ACOXL: variants seen among roughly 807,000 people sequenced by gnomAD.
ACOXL encodes acyl-coenzyme A oxidase-like protein.
ACOXL carries 70 observed loss-of-function variants against 71.9 expected under a neutral mutation model. The ratio of observed to expected loss-of-function variants is 0.97; its 90% CI spans 0.80 to 1.19. ACOXL has a LOEUF of 1.19. Among genes scored for constraint, ACOXL ranks in the 50% most tolerant of loss-of-function variants. The pLI is 0.00. For synonymous variants in ACOXL, 253 were observed against 281.6 expected, an observed-to-expected ratio of 0.90 and a Z score of 1.02; for missense variants, 703 against 736.3, an observed-to-expected ratio of 0.95 and a Z score of 0.52.
chr2:110,905,704 G>A lies in ACOXL; in HGVS notation c.789-3085G>A, dbSNP rs143503060. On this transcript the variant is annotated intron_variant, in intron 10 of 17. Coordinates refer to ENST00000439055, the MANE Select transcript of ACOXL (RefSeq NM_001142807.4). ...GCTCTGGCGTCCTCAGGGGATAGCC[G>A]TTTCCTGCCTGGAGGGTTGGGCTTC... Among the ~76,000 whole-genome samples the A allele has an allele frequency of 3.6e-3, 553 of 152,280 alleles. 10 individuals are homozygous for A. Among genetic ancestry groups the A allele is most frequent in the African/African-American group, 0.013 (524 of 41,564 alleles).
At chr2:111,054,199 A>C (rs1574618354) in intron 16 of ACOXL, among the ~76,000 whole-genome samples, 1 of 152,242 alleles carries the variant, frequency 6.6e-6, no homozygotes, top group Admixed American at 6.5e-5. Context: ...CAGTAGAAAA[A>C]CCAAGCTGCC....
chr2:111,019,632 C>T (rs11687650), intron 14 of ACOXL, among the ~76,000 whole-genome samples: 45,540 of 152,058 alleles, frequency 0.3, 7,226 homozygotes, highest in Non-Finnish European at 0.34. Context: ...TCCTGGAACT[C>T]GTGTGTGTGA....
intron 12 of ACOXL, among the ~76,000 whole-genome samples, chr2:110,945,638 AGATCAGGTGATCAGAGGTG>A (rs754899397): frequency 1.3e-5 from 2 of 152,162 alleles, no homozygotes; most frequent in Non-Finnish European, 2.9e-5. Context: ...TCTTTGTCGA[AGATCAGGTGATCAGAGGTG>A]TGTGGCCTTC....
chr2:111,059,344 T>C (rs935490971), intron 16 of ACOXL, among the ~76,000 whole-genome samples: 6 of 152,252 alleles, frequency 3.9e-5, no homozygotes, highest in Non-Finnish European at 8.8e-5. Flanking sequence ...TAACAGCCTA[T>C]TGATAATTGA....
chr2:111,070,278 G>C (rs2067279010), intron 16 of ACOXL, among the ~76,000 whole-genome samples: 1 of 152,152 alleles, frequency 6.6e-6, no homozygotes, highest in Non-Finnish European at 1.5e-5. Flanking sequence ...TGGTAGACTG[G>C]ATAAAGAAAA....
chr2:110,899,629 A>G (rs994283198), intron 10 of ACOXL, among the ~76,000 whole-genome samples: 14 of 152,206 alleles, frequency 9.2e-5, no homozygotes, highest in Non-Finnish European at 1.8e-4. Flanking sequence ...AAAATATGAA[A>G]TTAATACAAC....
intron 10 of ACOXL, among the ~76,000 whole-genome samples, chr2:110,845,131 C>T (rs1559336338): frequency 6.6e-6 from 1 of 152,192 alleles, no homozygotes; most frequent in Non-Finnish European, 1.5e-5. Flanking sequence ...TTTATTTTCT[C>T]ACAGTCCTGG....
At chr2:110,988,173 C>T (rs2149555592) in intron 13 of ACOXL, among the ~76,000 whole-genome samples, 2 of 152,352 alleles carry the variant, frequency 1.3e-5, no homozygotes, top group East Asian at 3.9e-4. Flanking sequence ...CATGGTGGCT[C>T]ATGCCTGTGA....
rs543107663 is a variant in ACOXL at position 111,111,327 on chromosome 2, TGA to T, written c.1543-6287_1543-6286del. ...GTTGCCCAGACTTGTCTGGAACTCC[TGA>T]GCTCAAGCAATCCACCCACCTCGGC... is the stretch of plus-strand genomic sequence containing the variant. On this transcript the variant is annotated intron_variant, in intron 17 of 17. Transcript: ENST00000439055. Among the ~76,000 whole-genome samples, 6 of 152,286 alleles carry T rather than the reference TGA, an allele frequency of 3.9e-5. No homozygotes were observed. The South Asian group carries it at 1.2e-3, about 32-fold the overall frequency.
In ACOXL at chr2:111,092,940, A is replaced by G. The variant is rs752437501; in HGVS notation, c.1516A>G (p.Met506Val). 46 of 1,613,930 alleles carry G rather than the reference A, an allele frequency of 2.9e-5. No homozygotes were observed. The highest frequency in any genetic ancestry group is 3.8e-5 in the Non-Finnish European group (45 of 1,179,986). The change falls in exon 17 of 18, where the codon ATG (methionine) becomes GTG (valine). Residue 506 changes from methionine (M) to valine (V), a missense_variant. Coordinates refer to ENST00000439055, the MANE Select transcript of ACOXL (RefSeq NM_001142807.4). ...TTTAGAACATAAATACTTGACTCCC[A>G]TGGCCAGCACGAGGATCAGGAATCA... ...WYLEHKYLTPMASTRIRNQLL... is the reference protein window; with the variant it reads ...WYLEHKYLTPVASTRIRNQLL...
chr2:110,872,484 G>A (rs1169123024), intron 10 of ACOXL, among the ~76,000 whole-genome samples: 3 of 152,230 alleles, frequency 2.0e-5, no homozygotes. Context: ...TCCGTCTCCT[G>A]GGGGTCTCCC....
intron 15 of ACOXL, among the ~76,000 whole-genome samples, chr2:111,035,334 G>A (rs1390238909): frequency 2.0e-5 from 3 of 152,200 alleles, no homozygotes; most frequent in Non-Finnish European, 2.9e-5. Flanking sequence ...GGTGGTTTCC[G>A]TAGTGGGATG....
rs768247614 is a variant in ACOXL, at chr2:110,799,098, A to T, written c.545A>T (p.Glu182Val). Residue 182 changes from glutamate to valine, a missense_variant and splice_region_variant, in exon 7 of 18, where the codon GAG (glutamate) becomes GTG (valine). By Grantham distance (121) the Glu-to-Val change is moderately radical. Transcript: ENST00000439055. ...GVTAIDMMYK[E>V]GLHGVDNGIL... ...ACAGCTATTGATATGATGTACAAGG[A>T]GGGTGAGTCCCCAGGTGCCCTTTTC... The T allele has an allele frequency of 1.4e-5, 23 of 1,613,670 alleles. No individual in the cohort carries two copies. The highest frequency in any genetic ancestry group is 1.6e-5 in the Non-Finnish European group (19 of 1,179,770).
At position 110,943,774 on chromosome 2, in the gene ACOXL, A is replaced by ACAG. The variant is rs200366151; in HGVS notation, c.1059+10135_1059+10137dup. Among the ~76,000 whole-genome samples, 999 of 152,246 alleles carry ACAG rather than the reference A, an allele frequency of 6.6e-3. 10 individuals carry two copies. Among genetic ancestry groups the ACAG allele is most frequent in the African/African-American group, 0.022 (924 of 41,524 alleles). On this transcript the variant is annotated intron_variant, in intron 12 of 17. Transcript: ENST00000439055. ...AAGGCAGCTTATTGCCGTAGCAGACACAGCATATTTAGGGCCCCAGACCCA... is the reference window on the plus strand; with the variant it reads ...AAGGCAGCTTATTGCCGTAGCAGACACAGCAGCATATTTAGGGCCCCAGACCCA...
intron 11 of ACOXL, among the ~76,000 whole-genome samples, chr2:110,924,627 A>T (rs1261346153): frequency 1.3e-5 from 2 of 152,120 alleles, no homozygotes; most frequent in Admixed American, 1.3e-4. Flanking sequence ...ATTCAGTCAC[A>T]TCTTCAGGCT....
intron 13 of ACOXL, 44 bp from the exon 14 acceptor site, chr2:110,995,849 G>A (rs1172149116): frequency 6.0e-6 from 9 of 1,489,196 alleles, no homozygotes; most frequent in Non-Finnish European, 8.4e-6. Flanking sequence ...GAAATTCTTG[G>A]TGAGGCCAAA....
At chr2:110,767,867 C>G (rs1173551239) in intron 1 of ACOXL, among the ~76,000 whole-genome samples, 1 of 151,546 alleles carries the variant, frequency 6.6e-6, no homozygotes, top group Non-Finnish European at 1.5e-5. Context: ...GGGTGGATCA[C>G]AAGGTCAGGA....
chr2:110,811,158 G>GA, intron 9 of ACOXL, among the ~76,000 whole-genome samples: 1 of 152,310 alleles, frequency 6.6e-6, no homozygotes, highest in Non-Finnish European at 1.5e-5. Flanking sequence ...ATGTCCTAGA[G>GA]AAAACCATTC....
Position 110,866,762 on chromosome 2 carries a change from A to G in ACOXL, c.788+25357A>G, listed in dbSNP as rs141903295. Among the ~76,000 whole-genome samples the G allele has an allele frequency of 3.8e-3, 571 of 152,196 alleles. 10 individuals carry two copies. Among genetic ancestry groups the G allele is most frequent in the African/African-American group, 0.013 (543 of 41,510 alleles). The stretch of plus-strand genomic sequence containing the variant: ...TCACCCGTTCACGAAATCACTCACC[A>G]GCTCACCCACCGCCCCATCTCCCCA... On this transcript the variant is annotated intron_variant, in intron 10 of 17. Transcript: ENST00000439055.
Sources: allele counts gnomAD v4.1 joint callset (sites outside exome capture counted in the v4.1 genomes callset), GRCh38; gene constraint gnomAD v4.1.1; transcripts MANE v1.5; gene names NCBI Gene and HGNC (gene_info 2026-07-23, HGNC 2026-07-21).